PPFIA1: variants seen among roughly 807,000 people sequenced by gnomAD.
PPFIA1 encodes liprin-alpha-1.
PPFIA1 carries 25 observed loss-of-function variants against 149.9 expected under a neutral mutation model. The observed-to-expected ratio is 0.17, with a 90% CI of 0.12 to 0.23. PPFIA1 has a LOEUF of 0.23. Among genes scored for constraint, PPFIA1 ranks in the 10% least tolerant of loss-of-function variants. The probability of loss-of-function intolerance (pLI) is 1.00; values close to 1 mark genes in which losing one functional copy is unlikely to be tolerated. For synonymous variants in PPFIA1, 549 were observed against 552.8 expected (o/e 0.99, Z 0.10); for missense variants, 1,362 against 1,506.5 (o/e 0.90, Z 1.59).
At chr11:70,286,334 C>G (rs1165418342) in intron 2 of PPFIA1, among the ~76,000 whole-genome samples, 2 of 152,210 alleles carry the variant, frequency 1.3e-5, no homozygotes, top group African/African-American at 2.4e-5. Flanking sequence ...TCGCTGCAAT[C>G]TCTGCCTCCC....
chr11:70,348,476 T>C, intron 16 of PPFIA1, 56 bp downstream of exon 16: 2 of 1,378,592 alleles, frequency 1.5e-6, no homozygotes, highest in South Asian at 1.2e-5. Context: ...GTATGAAATC[T>C]TGGACACTAC....
intron 2 of PPFIA1, among the ~76,000 whole-genome samples, chr11:70,274,599 T>C (rs1319167910): frequency 1.3e-5 from 2 of 152,258 alleles, no homozygotes; most frequent in East Asian, 1.9e-4. Flanking sequence ...ACCTGCTCTC[T>C]GGTCATCCCG....
intron 2 of PPFIA1, among the ~76,000 whole-genome samples, chr11:70,306,819 G>T (rs1229125047): frequency 6.6e-6 from 1 of 152,212 alleles, no homozygotes; most frequent in Non-Finnish European, 1.5e-5. Context: ...ATTATAGATT[G>T]TCACCTGGAG....
At chr11:70,334,616 GTGCT>G (rs2054859896) in intron 10 of PPFIA1, 1 of 152,258 alleles carries the variant, frequency 6.6e-6, no homozygotes, top group Admixed American at 6.5e-5. Flanking sequence ...GGCACATGAT[GTGCT>G]GGACCCTTTC....
chr11:70,367,640 C>T (rs1173402601), intron 21 of PPFIA1: 3 of 454,578 alleles, frequency 6.6e-6, no homozygotes, highest in African/African-American at 6.0e-5. Context: ...GTGGGTCTCC[C>T]TGGGATGGAG....
At chr11:70,322,518 C>A (rs887154824) in intron 2 of PPFIA1, among the ~76,000 whole-genome samples, 2 of 152,178 alleles carry the variant, frequency 1.3e-5, no homozygotes, top group Admixed American at 6.5e-5. Context: ...TGCGTTCGAT[C>A]TCTGAAGAGG....
intron 7 of PPFIA1, 67 bp from the exon 8 acceptor site, chr11:70,330,106 C>G (rs1335223203): frequency 9.2e-6 from 13 of 1,409,484 alleles, no homozygotes; most frequent in Non-Finnish European, 1.3e-5. Flanking sequence ...TTTTTTCTCT[C>G]TTAAGTATCT....
intron 15 of PPFIA1, among the ~76,000 whole-genome samples, chr11:70,347,874 G>A (rs983681204): frequency 4.0e-5 from 6 of 151,866 alleles, no homozygotes; most frequent in East Asian, 3.9e-4. Flanking sequence ...ATGGTGGCAC[G>A]CGCCTGTAAT....
intron 16 of PPFIA1, 162 bp from the exon 17 acceptor site, chr11:70,354,139 G>C: frequency 1.4e-6 from 1 of 690,740 alleles, no homozygotes; most frequent in East Asian, 2.8e-5. Flanking sequence ...CTGTGGTGCT[G>C]TGCTGCGTGG....
At chr11:70,308,855 G>A (rs2053061928) in intron 2 of PPFIA1, among the ~76,000 whole-genome samples, 1 of 152,152 alleles carries the variant, frequency 6.6e-6, no homozygotes, top group African/African-American at 2.4e-5. Flanking sequence ...CCTAGGAGTT[G>A]GAGGCTGCAG....
At chr11:70,331,840 C>A in intron 8 of PPFIA1, 120 bp from the exon 9 acceptor site, 1 of 1,143,752 alleles carries the variant, frequency 8.7e-7, no homozygotes, top group Non-Finnish European at 1.2e-6. Context: ...ACTCCCATCA[C>A]TGTAGCTCTT....
At chr11:70,271,928 G>C in intron 1 of PPFIA1, 1 of 463,738 alleles carries the variant, frequency 2.2e-6, no homozygotes, top group Non-Finnish European at 3.9e-6. Flanking sequence ...TTTTGTGAGG[G>C]TAGTCCTTTG....
chr11:70,322,471 C>T (rs1038078893), intron 2 of PPFIA1, among the ~76,000 whole-genome samples: 2 of 152,188 alleles, frequency 1.3e-5, no homozygotes, highest in East Asian at 1.9e-4. Context: ...ACCCTCCTCC[C>T]GCACGCTGCC....
intron 2 of PPFIA1, chr11:70,319,790 GC>G (rs1314571907): frequency 6.6e-6 from 1 of 152,290 alleles, no homozygotes; most frequent in African/African-American, 2.4e-5. Flanking sequence ...CGCTGCCCAT[GC>G]CCCAGCCCTG....
intron 23 of PPFIA1, chr11:70,374,257 C>G (rs748699426): frequency 1.2e-4 from 18 of 152,194 alleles, no homozygotes; most frequent in Non-Finnish European, 8.8e-5. Context: ...GTTCCAGCTC[C>G]TCAGGAGGCT....
chr11:70,299,564 T>C (rs949057255), intron 2 of PPFIA1, among the ~76,000 whole-genome samples: 3 of 152,174 alleles, frequency 2.0e-5, no homozygotes, highest in African/African-American at 7.2e-5. Context: ...TCTTCCCTTC[T>C]GGATGCTCCG....
At chr11:70,324,260 C>A in intron 2 of PPFIA1, 142 bp from the exon 3 acceptor site, 1 of 579,578 alleles carries the variant, frequency 1.7e-6, no homozygotes, top group Admixed American at 3.4e-5. Context: ...CATTGATGCC[C>A]TCTTTCTCTG....
chr11:70,317,245 G>T (rs959729510), intron 2 of PPFIA1, among the ~76,000 whole-genome samples: 1 of 151,870 alleles, frequency 6.6e-6, no homozygotes, highest in Non-Finnish European at 1.5e-5. Flanking sequence ...ACATATTTGG[G>T]GTTCCTACTA....
intron 2 of PPFIA1, among the ~76,000 whole-genome samples, chr11:70,293,948 T>TC: frequency 6.7e-6 from 1 of 149,686 alleles, no homozygotes; most frequent in East Asian, 1.9e-4. Context: ...CTCTCTTTTT[T>TC]TTTTTTTTTT....
Sources: allele counts gnomAD v4.1 joint callset (sites outside exome capture counted in the v4.1 genomes callset), GRCh38; gene constraint gnomAD v4.1.1; transcripts MANE v1.5; gene names NCBI Gene and HGNC (gene_info 2026-07-23, HGNC 2026-07-21).